Variants in PKNOX2 observed in about 807,000 individuals in gnomAD.
The protein encoded by PKNOX2 is homeobox protein PKNOX2.
A neutral mutation model predicts 53.1 loss-of-function variants in PKNOX2; 14 were observed. That is an observed-to-expected ratio of 0.26 (90% CI 0.17 to 0.41). The LOEUF is 0.41. Among genes scored for constraint, PKNOX2 ranks in the 10% least tolerant of loss-of-function variants. The probability of loss-of-function intolerance (pLI) is 1.00; values close to 1 mark genes in which losing one functional copy is unlikely to be tolerated. For missense variants in PKNOX2, 496 were observed against 602.8 expected (o/e 0.82, Z 1.85); for synonymous variants, 257 against 242.8 (o/e 1.06, Z -0.54).
chr11:125,334,591 T>C (rs1444483357), intron 3 of PKNOX2, among the ~76,000 whole-genome samples: 4 of 141,406 alleles, frequency 2.8e-5, no homozygotes. Flanking sequence ...GTTTTCGTTT[T>C]TTTTTTTTTT....
At chr11:125,186,630 T>A (rs1956464053) in intron 1 of PKNOX2, among the ~76,000 whole-genome samples, 1 of 152,164 alleles carries the variant, frequency 6.6e-6, no homozygotes, top group Non-Finnish European at 1.5e-5. Context: ...CCAGCCTGAG[T>A]GGCAGAAAGA....
intron 4 of PKNOX2, among the ~76,000 whole-genome samples, chr11:125,363,665 T>C (rs1002211740): frequency 5.3e-5 from 8 of 152,122 alleles, no homozygotes; most frequent in Non-Finnish European, 8.8e-5. Context: ...GAGGGCTCCT[T>C]GGGGAAAAGC....
intron 3 of PKNOX2, among the ~76,000 whole-genome samples, chr11:125,342,946 C>G (rs909760036): frequency 6.6e-6 from 1 of 152,104 alleles, no homozygotes; most frequent in South Asian, 2.1e-4. Context: ...TGGGCCTCCC[C>G]ACCTCTCCCA....
chr11:125,237,122 T>A (rs986023106), intron 2 of PKNOX2, among the ~76,000 whole-genome samples: 1 of 152,186 alleles, frequency 6.6e-6, no homozygotes, highest in Admixed American at 6.5e-5. Flanking sequence ...TGGGCTTTGA[T>A]GCTAGCTGTT....
intron 2 of PKNOX2, among the ~76,000 whole-genome samples, chr11:125,247,617 C>T (rs898251177): frequency 6.6e-6 from 1 of 152,194 alleles, no homozygotes; most frequent in African/African-American, 2.4e-5. Flanking sequence ...TGGACAACTT[C>T]AGCAGCCTCC....
At chr11:125,427,916 C>T (rs1956507284) in intron 10 of PKNOX2, among the ~76,000 whole-genome samples, 1 of 152,066 alleles carries the variant, frequency 6.6e-6, no homozygotes, top group East Asian at 1.9e-4. Context: ...ATCCTGTGGC[C>T]TCCCTCCCAA....
intron 4 of PKNOX2, among the ~76,000 whole-genome samples, chr11:125,363,524 C>G (rs1321110655): frequency 6.6e-6 from 1 of 152,198 alleles, no homozygotes; most frequent in Non-Finnish European, 1.5e-5. Flanking sequence ...CTGAGGACAT[C>G]ATTCAACCTT....
chr11:125,206,693 T>C (rs1320549676), intron 1 of PKNOX2, among the ~76,000 whole-genome samples: 1 of 152,100 alleles, frequency 6.6e-6, no homozygotes, highest in African/African-American at 2.4e-5. Context: ...GAAATCATAG[T>C]ACTTACCTCA....
intron 6 of PKNOX2, among the ~76,000 whole-genome samples, chr11:125,388,361 G>C (rs1286318550): frequency 6.6e-6 from 1 of 152,090 alleles, no homozygotes; most frequent in Non-Finnish European, 1.5e-5. Context: ...CCCCGCACAC[G>C]TAGCCCAACG....
intron 4 of PKNOX2, among the ~76,000 whole-genome samples, chr11:125,363,622 C>T (rs1037906563): frequency 6.6e-6 from 1 of 152,180 alleles, no homozygotes; most frequent in African/African-American, 2.4e-5. Context: ...CTGTCCCTAG[C>T]GGGCTGCCAA....
intron 4 of PKNOX2, among the ~76,000 whole-genome samples, chr11:125,366,558 A>T (rs182426494): frequency 6.6e-6 from 1 of 152,202 alleles, no homozygotes; most frequent in East Asian, 1.9e-4. Context: ...GCACATAAAT[A>T]TAGAATATGA....
At chr11:125,218,942 T>C (rs914728656) in intron 1 of PKNOX2, among the ~76,000 whole-genome samples, 1 of 152,158 alleles carries the variant, frequency 6.6e-6, no homozygotes, top group African/African-American at 2.4e-5. Flanking sequence ...TTAGCTCTGT[T>C]TTCCAACTGG....
At chr11:125,403,511 A>C (rs1232114542) in intron 7 of PKNOX2, among the ~76,000 whole-genome samples, 1 of 152,170 alleles carries the variant, frequency 6.6e-6, no homozygotes, top group Non-Finnish European at 1.5e-5. Context: ...TTTACTCTTC[A>C]TGACAGGCTG....
At chr11:125,256,989 G>C (rs1344622149) in intron 2 of PKNOX2, among the ~76,000 whole-genome samples, 2 of 151,142 alleles carry the variant, frequency 1.3e-5, no homozygotes, top group African/African-American at 4.8e-5. Flanking sequence ...CTATTCCATA[G>C]GGGCTAATCT....
intron 2 of PKNOX2, among the ~76,000 whole-genome samples, chr11:125,250,285 TAACTA>T (rs1270522704): frequency 6.6e-6 from 1 of 151,852 alleles, no homozygotes; most frequent in African/African-American, 2.4e-5. Flanking sequence ...CAAACAAAAA[TAACTA>T]AACAAGAAAT....
intron 1 of PKNOX2, among the ~76,000 whole-genome samples, chr11:125,205,925 C>A (rs1056465054): frequency 2.0e-5 from 3 of 152,050 alleles, no homozygotes; most frequent in African/African-American, 7.2e-5. Context: ...GGAGACATCA[C>A]CTGATGGAAC....
intron 2 of PKNOX2, among the ~76,000 whole-genome samples, chr11:125,252,649 G>C (rs1286496650): frequency 6.6e-6 from 1 of 152,076 alleles, no homozygotes; most frequent in East Asian, 1.9e-4. Flanking sequence ...AATGTTGAGT[G>C]GTGGGGTCCT....
At chr11:125,272,309 T>A (rs1008905783) in intron 2 of PKNOX2, among the ~76,000 whole-genome samples, 1 of 152,204 alleles carries the variant, frequency 6.6e-6, no homozygotes, top group African/African-American at 2.4e-5. Context: ...TGGCTCTCGA[T>A]GAATCATGAT....
intron 6 of PKNOX2, among the ~76,000 whole-genome samples, chr11:125,390,078 G>A (rs1591553197): frequency 6.6e-6 from 1 of 152,314 alleles, no homozygotes; most frequent in South Asian, 2.1e-4. Flanking sequence ...GCCTAGACAG[G>A]AGCAGAAAAT....
Sources: allele counts gnomAD v4.1 joint callset (sites outside exome capture counted in the v4.1 genomes callset), GRCh38; gene constraint gnomAD v4.1.1; transcripts MANE v1.5; gene names NCBI Gene and HGNC (gene_info 2026-07-23, HGNC 2026-07-21).